The following GLIS3 variants were observed in gnomAD, a reference collection of about 807,000 sequenced individuals.
The protein encoded by GLIS3 is zinc finger protein GLIS3.
A neutral mutation model predicts 78.6 loss-of-function variants in GLIS3; 53 were observed. The ratio of observed to expected loss-of-function variants is 0.67; its 90% CI spans 0.54 to 0.85. The LOEUF is 0.85. Among genes scored for constraint, GLIS3 ranks in the 40% least tolerant of loss-of-function variants. GLIS3 has a pLI of 0.00. For missense variants in GLIS3, 1,703 were observed against 1,231.1 expected (o/e 1.38, Z -5.74); for synonymous variants, 684 against 509.9 (o/e 1.34, Z -4.60).
At chr9:3,982,237 C>T (rs956691757) in intron 4 of GLIS3, among the ~76,000 whole-genome samples, 1 of 151,678 alleles carries the variant, frequency 6.6e-6, no homozygotes, top group African/African-American at 2.4e-5. Flanking sequence ...TACATAGCTA[C>T]ATAAACTTTA....
At chr9:4,178,249 T>C (rs548410052) in intron 2 of GLIS3, among the ~76,000 whole-genome samples, 17 of 151,648 alleles carry the variant, frequency 1.1e-4, no homozygotes, top group Non-Finnish European at 1.9e-4. Context: ...GCCCCCAAAA[T>C]TTCTGCCCCC....
intron 4 of GLIS3, among the ~76,000 whole-genome samples, chr9:4,025,103 T>A (rs900261969): frequency 2.6e-4 from 40 of 152,004 alleles, no homozygotes; most frequent in African/African-American, 9.4e-4. Context: ...ATACAAAAAA[T>A]TAGCCAAGCG....
At chr9:4,055,877 G>T (rs1273936143) in intron 4 of GLIS3, among the ~76,000 whole-genome samples, 1 of 152,180 alleles carries the variant, frequency 6.6e-6, no homozygotes, top group Non-Finnish European at 1.5e-5. Flanking sequence ...TCTTTTGCAG[G>T]TAAAATTGGG....
chr9:4,344,366 C>T (rs528587595), intron 2 of GLIS3, among the ~76,000 whole-genome samples: 3 of 152,314 alleles, frequency 2.0e-5, no homozygotes, highest in Non-Finnish European at 4.4e-5. Flanking sequence ...TGGCATTTGG[C>T]AATTCATCAG....
At chr9:4,282,053 C>G (rs1323143917) in intron 2 of GLIS3, among the ~76,000 whole-genome samples, 1 of 152,198 alleles carries the variant, frequency 6.6e-6, no homozygotes, top group Non-Finnish European at 1.5e-5. Context: ...GTATACTTCT[C>G]ATGAGCCTTC....
At chr9:3,892,985 T>A (rs575634145) in intron 7 of GLIS3, among the ~76,000 whole-genome samples, 12 of 152,292 alleles carry the variant, frequency 7.9e-5, no homozygotes, top group Admixed American at 5.9e-4. Context: ...CAGGGTCACA[T>A]GTACAGGTTT....
chr9:4,028,194 C>A (rs1823511092), intron 4 of GLIS3, among the ~76,000 whole-genome samples: 1 of 152,148 alleles, frequency 6.6e-6, no homozygotes, highest in Non-Finnish European at 1.5e-5. Flanking sequence ...CATATAGGAG[C>A]CTACGTATCT....
intron 2 of GLIS3, among the ~76,000 whole-genome samples, chr9:4,262,046 A>G (rs1478572195): frequency 6.6e-6 from 1 of 152,178 alleles, no homozygotes. Flanking sequence ...AGAGGAAAAT[A>G]AAACAGCAAT....
intron 4 of GLIS3, among the ~76,000 whole-genome samples, chr9:4,028,056 T>C (rs867901467): frequency 2.0e-5 from 3 of 152,198 alleles, no homozygotes; most frequent in Non-Finnish European, 4.4e-5. Flanking sequence ...ATAGTACTTA[T>C]CTTCCTGTAA....
chr9:4,156,542 A>G (rs1835053545), intron 2 of GLIS3, among the ~76,000 whole-genome samples: 1 of 152,246 alleles, frequency 6.6e-6, no homozygotes, highest in Non-Finnish European at 1.5e-5. Context: ...AGATGCTTCA[A>G]GGACAAAGTG....
At chr9:4,273,127 A>C (rs147392628) in intron 2 of GLIS3, among the ~76,000 whole-genome samples, 7 of 152,296 alleles carry the variant, frequency 4.6e-5, no homozygotes, top group African/African-American at 1.7e-4. Flanking sequence ...GAGAGTTATG[A>C]CTAAGCTGTA....
At chr9:4,268,816 T>C (rs764311274) in intron 2 of GLIS3, among the ~76,000 whole-genome samples, 2 of 152,136 alleles carry the variant, frequency 1.3e-5, no homozygotes, top group African/African-American at 4.8e-5. Context: ...TCTCCTCAGC[T>C]CTGGGTCCCA....
chr9:3,958,366 CA>C (rs936818565), intron 4 of GLIS3, among the ~76,000 whole-genome samples: 29 of 151,356 alleles, frequency 1.9e-4, no homozygotes, highest in Admixed American at 6.6e-4. Flanking sequence ...ATTCTTTTTT[CA>C]AAAAAAGTCA....
In GLIS3 at chr9:4,286,224, TC is replaced by T. The variant is rs1357192920; in HGVS notation, c.201del (p.Met68TrpfsTer17). 6.2e-7 allele frequency: 1 copy of T among 1,614,068 alleles called. No homozygotes were observed. The highest frequency in any genetic ancestry group is 8.5e-7 in the Non-Finnish European group (1 of 1,180,038). On this transcript the variant is annotated frameshift_variant, in exon 2 of 11. Transcript: ENST00000381971. LOFTEE classifies it high-confidence loss of function. ...NLHLKMPSGG[G>X]MAPQNNVAES... ...TCAGCCACGTTGTTCTGAGGAGCCA[TC>T]CCTCCTCCTGAGGGCATCTTGAGAT...
chr9:3,855,573 G>A (rs1355831013), intron 9 of GLIS3: 2 of 235,564 alleles, frequency 8.5e-6, no homozygotes, highest in East Asian at 2.1e-4. Context: ...GGATCAGGAA[G>A]GGCTTCAGAG....
At chr9:4,387,493 G>C in the GLIS3 span, among the ~76,000 whole-genome samples, 7 of 152,148 alleles carry the variant, frequency 4.6e-5, no homozygotes, top group African/African-American at 1.7e-4. Context: ...CAGACTATAT[G>C]ACATTCTAGA....
At chr9:4,429,197 C>T in the GLIS3 span, among the ~76,000 whole-genome samples, 1 of 152,132 alleles carries the variant, frequency 6.6e-6, no homozygotes, top group East Asian at 1.9e-4. Context: ...GAAATTTTAT[C>T]ATGTTGCACC....
At chr9:4,172,899 T>C (rs927316) in intron 2 of GLIS3, among the ~76,000 whole-genome samples, 59,221 of 152,090 alleles carry the variant, frequency 0.39, 12,501 homozygotes, top group African/African-American at 0.55. Flanking sequence ...AAGATCAGGC[T>C]ATCATGTAGG....
chr9:4,285,682 C>A (rs746708161), intron 2 of GLIS3: 1 of 232,018 alleles, frequency 4.3e-6, no homozygotes. Context: ...AGAATTCAGC[C>A]CCCAGGGAAA....
Sources: gnomAD v4.1 joint callset for allele counts (sites outside exome capture counted in the v4.1 genomes callset) on GRCh38, gnomAD v4.1.1 for gene constraint, MANE v1.5 for transcripts, NCBI Gene and HGNC (gene_info 2026-07-23, HGNC 2026-07-21) for gene names.